The following ALPK1 variants were observed in gnomAD, a reference collection of about 807,000 sequenced individuals.
ALPK1 encodes alpha-protein kinase 1.
ALPK1 carries 110 observed loss-of-function variants against 120.6 expected under a neutral mutation model. That is an observed-to-expected ratio of 0.91 (90% CI 0.78 to 1.07). The LOEUF (loss-of-function observed/expected upper bound fraction) is 1.07. ALPK1 is among the 50% of genes least tolerant of loss of function. The pLI, the probability that ALPK1 is intolerant of heterozygous loss-of-function variation, is 0.00. For synonymous variants in ALPK1, 582 were observed against 560.3 expected (o/e 1.04, Z -0.55); for missense variants, 1,498 against 1,483.9 (o/e 1.01, Z -0.16).
intron 2 of ALPK1, among the ~76,000 whole-genome samples, chr4:112,317,296 A>G (rs905655922): frequency 6.6e-6 from 1 of 152,108 alleles, no homozygotes; most frequent in Non-Finnish European, 1.5e-5. Context: ...TCCATTTCAT[A>G]TACAAAAAAT....
At chr4:112,387,230 A>G (rs1336586274) in intron 4 of ALPK1, among the ~76,000 whole-genome samples, 2 of 152,240 alleles carry the variant, frequency 1.3e-5, no homozygotes, top group African/African-American at 4.8e-5. Context: ...CTTCTAAACA[A>G]CAACAAAAAA....
At chr4:112,438,727 A>G (rs231248) in intron 13 of ALPK1, 81 bp downstream of exon 13, 1 of 1,482,452 alleles carries the variant, frequency 6.7e-7, no homozygotes, top group South Asian at 1.3e-5. Flanking sequence ...GGTTCCACAT[A>G]ATCAGGCTAG....
intron 4 of ALPK1, among the ~76,000 whole-genome samples, chr4:112,403,388 T>A (rs1272337221): frequency 6.6e-6 from 1 of 152,140 alleles, no homozygotes; most frequent in African/African-American, 2.4e-5. Context: ...CTGTATGTAG[T>A]TCACAGCATG....
rs1025338390 is a variant in ALPK1 at position 112,442,036 on chromosome 4, A to C, written c.*826A>C. ...GCTGGGGAGACCTCAGGAAACTTAC[A>C]ATCATGGCAGAAGGCACCTCTTCAT... On this transcript the variant is annotated 3_prime_UTR_variant, in exon 16 of 16. Coordinates refer to ENST00000650871, the MANE Select transcript of ALPK1 (RefSeq NM_025144.4). The C allele has an allele frequency of 4.6e-5, 7 of 153,220 alleles. No individual in the cohort carries two copies. The highest frequency in any genetic ancestry group is 1.7e-4 in the African/African-American group (7 of 41,610). 9.5% of individuals were successfully genotyped at this position (153,220 alleles called of 1,614,324 possible).
At chr4:112,336,409 GA>G (rs1051219283) in intron 2 of ALPK1, among the ~76,000 whole-genome samples, 10 of 151,182 alleles carry the variant, frequency 6.6e-5, no homozygotes, top group East Asian at 1.9e-4. Context: ...TTTTCCTGTT[GA>G]AAAAAAAAGT....
intron 5 of ALPK1, chr4:112,412,300 T>A (rs1224490808): frequency 1.7e-6 from 1 of 595,868 alleles, no homozygotes; most frequent in South Asian, 1.5e-5. Context: ...TTCTAACAAA[T>A]CTGTCCTGCT....
At chr4:112,341,363 C>T (rs910865149) in intron 2 of ALPK1, among the ~76,000 whole-genome samples, 2 of 152,172 alleles carry the variant, frequency 1.3e-5, no homozygotes, top group Non-Finnish European at 1.5e-5. Flanking sequence ...CCCCAATTGT[C>T]GCTTGTGACA....
intron 2 of ALPK1, among the ~76,000 whole-genome samples, chr4:112,339,988 A>C (rs1288681144): frequency 6.6e-6 from 1 of 152,260 alleles, no homozygotes; most frequent in Non-Finnish European, 1.5e-5. Context: ...CTTCAAGTGC[A>C]GTCCAGCTTT....
At chr4:112,414,311 G>T in intron 5 of ALPK1, 1 of 493,616 alleles carries the variant, frequency 2.0e-6, no homozygotes, top group Non-Finnish European at 4.0e-6. Context: ...TCAGAAGCAA[G>T]AGAAGACCCA....
At chr4:112,339,190 G>A (rs1384672629) in intron 2 of ALPK1, among the ~76,000 whole-genome samples, 1 of 152,146 alleles carries the variant, frequency 6.6e-6, no homozygotes, top group African/African-American at 2.4e-5. Context: ...TCCAAATGAG[G>A]GACAACCCTG....
intron 2 of ALPK1, among the ~76,000 whole-genome samples, chr4:112,360,357 T>C (rs1178787459): frequency 6.6e-6 from 1 of 152,224 alleles, no homozygotes; most frequent in Non-Finnish European, 1.5e-5. Flanking sequence ...TTCCATATCG[T>C]GGCTATTGTG....
Position 112,431,175 on chromosome 4 carries a change from A to G in ALPK1, c.1628A>G (p.Asp543Gly). ...GGAAGGAGAAACTGGACCCATTCTGATGCATTTCGAGTCTCCTTGGATCAA... is the reference window on the plus strand; with the variant it reads ...GGAAGGAGAAACTGGACCCATTCTGGTGCATTTCGAGTCTCCTTGGATCAA... ...RGGRRNWTHS[D>G]AFRVSLDQDV... Residue 543 changes from aspartate to glycine, a missense_variant, in exon 11 of 16, where the codon GAT becomes GGT. Physicochemically the swap from Asp to Gly is moderately conservative, Grantham distance 94. Coordinates refer to ENST00000650871, the MANE Select transcript of ALPK1 (RefSeq NM_025144.4). The G allele has an allele frequency of 6.2e-7, 1 of 1,614,192 alleles. No individual in the cohort carries two copies. The highest frequency in any genetic ancestry group is 8.5e-7 in the Non-Finnish European group (1 of 1,180,042).
intron 1 of ALPK1, among the ~76,000 whole-genome samples, chr4:112,303,656 C>G (rs934309241): frequency 6.6e-6 from 1 of 151,874 alleles, no homozygotes; most frequent in African/African-American, 2.4e-5. Context: ...GCCTCCTTTT[C>G]TGAGCACATA....
rs778454932 is a variant in ALPK1, at chr4:112,426,317, C to G, written c.623-150C>G. On this transcript the variant is annotated intron_variant, in intron 7 of 15. Transcript: ENST00000650871. ...CTATATTACAACTGGAAAAACATTG[C>G]TGTGTCAATCTAATCTAAGCCTAAG... The G allele has an allele frequency of 1.1e-5, 5 of 470,456 alleles. No individual in the cohort carries two copies. The East Asian group carries it at 1.4e-4, about 13-fold the overall frequency. The allele number at this position is 470,456 out of a possible 1,614,324, so 29.1% of individuals were successfully genotyped here.
chr4:112,318,255 C>T lies in ALPK1; in HGVS notation c.-101+2403C>T, dbSNP rs185691241. ...ATGAATTAAATAGGGTCTTCACCCT[C>T]GGGGGAAGGAAATAAATGCTGAAAT... is the stretch of plus-strand genomic sequence containing the variant. On this transcript the variant is annotated intron_variant, in intron 2 of 15. Transcript: ENST00000650871. 2.2e-3 allele frequency among the ~76,000 whole-genome samples: 334 copies of T among 152,254 alleles called. 2 individuals are homozygous for T. In the South Asian group the frequency reaches 0.022, roughly 10 times the overall value.
intron 2 of ALPK1, among the ~76,000 whole-genome samples, chr4:112,376,053 G>T (rs1410414737): frequency 6.6e-6 from 1 of 152,150 alleles, no homozygotes; most frequent in Non-Finnish European, 1.5e-5. Context: ...GATTAACTTT[G>T]CTGGCTCCCA....
At chr4:112,412,125 G>A (rs1302719404) in intron 5 of ALPK1, 100 bp downstream of exon 5, 2 of 1,431,502 alleles carry the variant, frequency 1.4e-6, no homozygotes, top group Non-Finnish European at 1.9e-6. Flanking sequence ...GAGCACCCGG[G>A]CCCTGCGTGC....
chr4:112,330,295 C>T (rs1729309997), intron 2 of ALPK1, among the ~76,000 whole-genome samples: 1 of 152,126 alleles, frequency 6.6e-6, no homozygotes, highest in Non-Finnish European at 1.5e-5. Flanking sequence ...ATTGCATGGA[C>T]ACTTAAATAA....
intron 12 of ALPK1, among the ~76,000 whole-genome samples, chr4:112,436,197 G>GATT (rs1234756408): frequency 1.3e-5 from 2 of 152,114 alleles, no homozygotes; most frequent in Non-Finnish European, 2.9e-5. Flanking sequence ...AAAGATTATT[G>GATT]ATTATTATTA....
Sources: gnomAD v4.1 joint callset for allele counts (sites outside exome capture counted in the v4.1 genomes callset) on GRCh38, gnomAD v4.1.1 for gene constraint, MANE v1.5 for transcripts, NCBI Gene and HGNC (gene_info 2026-07-23, HGNC 2026-07-21) for gene names.